ATE1: variants seen among roughly 807,000 people sequenced by gnomAD.
The protein encoded by ATE1 is arginyltransferase 1.
Under a neutral mutation model 70.5 loss-of-function variants are expected in ATE1, and 36 were observed. That is an observed-to-expected ratio of 0.51 (90% CI 0.39 to 0.67). The LOEUF (loss-of-function observed/expected upper bound fraction) is 0.67. Among genes scored for constraint, ATE1 ranks in the 30% least tolerant of loss-of-function variants. ATE1 has a pLI of 0.00. For synonymous variants in ATE1, 232 were observed against 219.3 expected, an observed-to-expected ratio of 1.06 and a Z score of -0.51; for missense variants, 593 against 629.5, an observed-to-expected ratio of 0.94 and a Z score of 0.62.
intron 10 of ATE1, among the ~76,000 whole-genome samples, chr10:121,795,142 G>A (rs1026177023): frequency 2.6e-5 from 4 of 152,154 alleles, no homozygotes; most frequent in Admixed American, 2.6e-4. Context: ...CAGCTCCTCT[G>A]GAGGCTGAGG....
At chr10:121,791,851 G>C (rs749328813) in intron 10 of ATE1, among the ~76,000 whole-genome samples, 4 of 152,118 alleles carry the variant, frequency 2.6e-5, no homozygotes, top group Non-Finnish European at 5.9e-5. Flanking sequence ...TTACACCATA[G>C]AGTTTGAAAA....
intron 9 of ATE1, among the ~76,000 whole-genome samples, chr10:121,839,811 A>C (rs956140687): frequency 6.6e-6 from 1 of 152,208 alleles, no homozygotes; most frequent in African/African-American, 2.4e-5. Context: ...CAAAAAAATC[A>C]CTTATGGACC....
rs1025621270 is a variant in ATE1 at position 121,821,226 on chromosome 10, G to A, written c.1257+15492C>T. ...CCCAAAGTGCTGAGATTCCTGATGTGAGCCACCGCGCCTGGCCAGGAAAAC... is the reference window on the plus strand; with the variant it reads ...CCCAAAGTGCTGAGATTCCTGATGTAAGCCACCGCGCCTGGCCAGGAAAAC... On this transcript the variant is annotated intron_variant, in intron 10 of 11. Transcript: ENST00000224652. Among the ~76,000 whole-genome samples the A allele has an allele frequency of 2.6e-5, 4 of 152,270 alleles. No homozygotes were observed. The East Asian group carries it at 5.8e-4, about 22-fold the overall frequency.
upstream of ATE1, chr10:121,928,165 C>T: frequency 1.5e-6 from 2 of 1,291,322 alleles, no homozygotes; most frequent in Non-Finnish European, 2.0e-6. Flanking sequence ...CGTTCCTTCT[C>T]CATAAGGGGC....
chr10:121,774,428 T>A (rs774193480), intron 11 of ATE1, among the ~76,000 whole-genome samples: 21 of 151,968 alleles, frequency 1.4e-4, no homozygotes, highest in African/African-American at 3.6e-4. Context: ...TAGAAAAAAA[T>A]TTTTTGGTTT....
At chr10:121,868,008 G>A (rs894362220) in intron 8 of ATE1, among the ~76,000 whole-genome samples, 3 of 152,208 alleles carry the variant, frequency 2.0e-5, no homozygotes, top group East Asian at 3.9e-4. Context: ...TCAACCACAG[G>A]TATGAATGTA....
intron 8 of ATE1, among the ~76,000 whole-genome samples, chr10:121,857,826 C>T (rs1327245916): frequency 6.6e-6 from 1 of 152,138 alleles, no homozygotes; most frequent in Non-Finnish European, 1.5e-5. Context: ...ACTACGTACC[C>T]ATTAAATAAT....
chr10:121,747,921 G>A (rs1445822966), intron 11 of ATE1, among the ~76,000 whole-genome samples: 1 of 152,190 alleles, frequency 6.6e-6, no homozygotes, highest in Non-Finnish European at 1.5e-5. Context: ...TGTGCACATT[G>A]CAACATGAAT....
chr10:121,805,585 T>C (rs558378507), intron 10 of ATE1, among the ~76,000 whole-genome samples: 3 of 152,326 alleles, frequency 2.0e-5, no homozygotes, highest in Admixed American at 2.0e-4. Context: ...ATCTTAACTC[T>C]GCTAAAATGG....
chr10:121,801,389 C>T (rs539766243), intron 10 of ATE1, among the ~76,000 whole-genome samples: 1 of 151,798 alleles, frequency 6.6e-6, no homozygotes, highest in Non-Finnish European at 1.5e-5. Flanking sequence ...TTTTGGAAAC[C>T]CTGAGTTAAT....
At chr10:121,914,107 C>T (rs553546623) in intron 3 of ATE1, among the ~76,000 whole-genome samples, 2 of 152,120 alleles carry the variant, frequency 1.3e-5, no homozygotes, top group Non-Finnish European at 2.9e-5. Context: ...CACTCTGTCG[C>T]CCAGACTGGA....
chr10:121,848,284 GTTCATTCATTCATTCA>G lies in ATE1; in HGVS notation c.976-7037_976-7022del, dbSNP rs59186969. Among the ~76,000 whole-genome samples, 312 of 150,186 alleles carry G rather than the reference GTTCATTCATTCATTCA, an allele frequency of 2.1e-3. 1 individual carries two copies. Among genetic ancestry groups the G allele is most frequent in the African/African-American group, 7.3e-3 (298 of 40,934 alleles). ...CTAGGACTCATTAAATCTAATGTGC[GTTCATTCATTCATTCA>G]TTCATTCATTCATTCATTAAAAAAC... On this transcript the variant is annotated intron_variant, in intron 8 of 11. Transcript: ENST00000224652.
chr10:121,913,852 T>C lies in ATE1; in HGVS notation c.275A>G (p.Lys92Arg). The C allele has an allele frequency of 6.2e-7, 1 of 1,612,800 alleles. No individual in the cohort carries two copies. The highest frequency in any genetic ancestry group is 8.5e-7 in the Non-Finnish European group (1 of 1,179,074). The part of the protein sequence containing the change: ...LQFQPSKSHK[K>R]VLKKMLKFLA... ...AAATTTCAACATTTTTTTCAAAACC[T>C]TCTTGTGAGATTTTGAAGGCTGAAA... is the stretch of plus-strand genomic sequence containing the variant. The change falls in exon 4 of 12, where the codon AAG (lysine) becomes AGG (arginine). Residue 92 changes from lysine (K) to arginine (R), a missense_variant. Transcript: ENST00000224652.
intron 10 of ATE1, among the ~76,000 whole-genome samples, chr10:121,828,541 G>A (rs965278861): frequency 6.6e-6 from 1 of 152,216 alleles, no homozygotes; most frequent in East Asian, 1.9e-4. Flanking sequence ...TCCAAAGACA[G>A]AGAAAGTGAA....
chr10:121,873,059 T>A (rs1949917253), intron 7 of ATE1, among the ~76,000 whole-genome samples: 1 of 152,150 alleles, frequency 6.6e-6, no homozygotes, highest in African/African-American at 2.4e-5. Context: ...GTACCCACTT[T>A]TAAAGATTAC....
intron 11 of ATE1, among the ~76,000 whole-genome samples, chr10:121,772,327 A>G (rs926958329): frequency 6.6e-6 from 1 of 152,224 alleles, no homozygotes; most frequent in African/African-American, 2.4e-5. Context: ...CTCAAATTAA[A>G]TCATTCTTGG....
intron 7 of ATE1, among the ~76,000 whole-genome samples, chr10:121,881,794 T>G (rs2134117498): frequency 6.6e-6 from 1 of 152,206 alleles, no homozygotes. Flanking sequence ...AAGTTTTTTG[T>G]TTTGCTTTGT....
chr10:121,924,085 T>C (rs1951985434), intron 2 of ATE1, among the ~76,000 whole-genome samples, 181 bp downstream of exon 2: 1 of 152,224 alleles, frequency 6.6e-6, no homozygotes, highest in Non-Finnish European at 1.5e-5. Context: ...TCTGCTTTTA[T>C]AGATATTTGA....
chr10:121,894,967 C>T (rs1169399155), intron 7 of ATE1, among the ~76,000 whole-genome samples: 1 of 151,924 alleles, frequency 6.6e-6, no homozygotes, highest in Non-Finnish European at 1.5e-5. Context: ...AAAGAAGAAA[C>T]GCAAAAGGCC....
Sources: gnomAD v4.1 joint callset for allele counts (sites outside exome capture counted in the v4.1 genomes callset) on GRCh38, gnomAD v4.1.1 for gene constraint, MANE v1.5 for transcripts, NCBI Gene and HGNC (gene_info 2026-07-23, HGNC 2026-07-21) for gene names.